Variants in BCL2L1 observed in about 807,000 individuals in gnomAD.
BCL2L1 encodes BCL2 like 1.
Under a neutral mutation model 18.7 loss-of-function variants are expected in BCL2L1, and 1 was observed. The observed-to-expected ratio is 0.05, with a 90% CI of 0.02 to 0.25. The LOEUF (loss-of-function observed/expected upper bound fraction) is 0.25. Among genes scored for constraint, BCL2L1 ranks in the 10% least tolerant of loss-of-function variants. The pLI, the probability that BCL2L1 is intolerant of heterozygous loss-of-function variation, is 1.00. For synonymous variants in BCL2L1, 103 were observed against 122.7 expected, an observed-to-expected ratio of 0.84 and a Z score of 1.06; for missense variants, 207 against 304.9, an observed-to-expected ratio of 0.68 and a Z score of 2.39.
intron 2 of BCL2L1, among the ~76,000 whole-genome samples, chr20:31,699,845 C>T (rs1394151175): frequency 6.6e-6 from 1 of 152,166 alleles, no homozygotes; most frequent in Non-Finnish European, 1.5e-5. Flanking sequence ...ATGTAGAGTA[C>T]CTGACATGGG....
At chr20:31,723,390 G>C, upstream of BCL2L1, 5 of 985,546 alleles carry the variant, frequency 5.1e-6, no homozygotes, top group Non-Finnish European at 6.0e-6. Flanking sequence ...CGGCCCCACA[G>C]CTGAGACCAC....
chr20:31,718,994 C>G (rs947546346), intron 2 of BCL2L1, among the ~76,000 whole-genome samples: 1 of 152,192 alleles, frequency 6.6e-6, no homozygotes, highest in African/African-American at 2.4e-5. Flanking sequence ...GGTGTAAATT[C>G]TCATTCAGAC....
chr20:31,695,153 T>C (rs2061146335), intron 2 of BCL2L1, among the ~76,000 whole-genome samples: 1 of 152,200 alleles, frequency 6.6e-6, no homozygotes, highest in Non-Finnish European at 1.5e-5. Context: ...TGCTCGCCAC[T>C]TCCACCACCC....
intron 2 of BCL2L1, among the ~76,000 whole-genome samples, chr20:31,687,007 A>T (rs2060968145): frequency 6.6e-6 from 1 of 152,176 alleles, no homozygotes; most frequent in Admixed American, 6.5e-5. Context: ...CCCAAGAAGG[A>T]TTATTGTGAA....
At chr20:31,703,528 G>T (rs1216222780) in intron 2 of BCL2L1, among the ~76,000 whole-genome samples, 1 of 146,960 alleles carries the variant, frequency 6.8e-6, no homozygotes, top group Non-Finnish European at 1.5e-5. Context: ...GTCTCACTCT[G>T]TTGCCCAGGC....
rs532916789 is a variant in BCL2L1 at position 31,689,576 on chromosome 20, C to T, written c.565-23490G>A. ...GCTGGCAACCGCCTGAAAATCCCCT[C>T]CCCAGTCTTTCCTTACCACTCCCTC... On this transcript the variant is annotated intron_variant, in intron 2 of 2. Transcript: ENST00000307677. 4.0e-4 allele frequency among the ~76,000 whole-genome samples: 61 copies of T among 152,222 alleles called. 1 individual carries two copies. The highest frequency in any genetic ancestry group is 7.4e-4 in the Non-Finnish European group (50 of 68,016).
rs192812462 is a variant in BCL2L1, at chr20:31,689,528, A to G, written c.565-23442T>C. ...TAGGAAACTTAATCCTAGAGGCAGT[A>G]GTAGTCAGGCTCTAGGAGAAGGGCT... On this transcript the variant is annotated intron_variant, in intron 2 of 2. Transcript: ENST00000307677. 1.2e-4 allele frequency among the ~76,000 whole-genome samples: 18 copies of G among 152,150 alleles called. No individual in the cohort carries two copies. In the East Asian group the frequency reaches 2.9e-3, roughly 25 times the overall value.
intron 2 of BCL2L1, chr20:31,721,009 T>TG: frequency 1.0e-6 from 1 of 982,996 alleles, no homozygotes; most frequent in Non-Finnish European, 1.2e-6. Context: ...TCGCACACTT[T>TG]GGGGGAAATG....
chr20:31,683,815 A>G (rs2060907893), intron 2 of BCL2L1, among the ~76,000 whole-genome samples: 1 of 144,610 alleles, frequency 6.9e-6, no homozygotes. Flanking sequence ...AAAGAATGTG[A>G]ACTTCATGAA....
chr20:31,680,713 C>T (rs1267991637), intron 2 of BCL2L1, among the ~76,000 whole-genome samples: 1 of 152,182 alleles, frequency 6.6e-6, no homozygotes, highest in Non-Finnish European at 1.5e-5. Context: ...GAGTCAGGCA[C>T]TGTACTAAGC....
In BCL2L1 at chr20:31,721,756, C is replaced by T. The variant is rs748329440; in HGVS notation, c.463G>A (p.Val155Ile). 24 of 1,614,034 alleles carry T rather than the reference C, an allele frequency of 1.5e-5. No individual in the cohort carries two copies. Among genetic ancestry groups the T allele is most frequent in the Non-Finnish European group, 1.7e-5 (20 of 1,180,030 alleles). Residue 155 changes from valine (V) to isoleucine (I), a missense_variant, in exon 2 of 3, where the codon GTA becomes ATA. Val to Ile is a conservative substitution (Grantham distance 29). Coordinates refer to ENST00000307677, the MANE Select transcript of BCL2L1 (RefSeq NM_138578.3). Reference sequence around the variant, plus strand: ...ACCAATACCTGCATCTCCTTGTCTACGCTTTCCACGCACAGTGCCCCGCCG... The same window carrying T: ...ACCAATACCTGCATCTCCTTGTCTATGCTTTCCACGCACAGTGCCCCGCCG... ...SFGGALCVESVDKEMQVLVSR... is the reference protein window; with the variant it reads ...SFGGALCVESIDKEMQVLVSR...
intron 2 of BCL2L1, among the ~76,000 whole-genome samples, chr20:31,693,711 T>A (rs1430281501): frequency 6.6e-6 from 1 of 151,960 alleles, no homozygotes; most frequent in East Asian, 1.9e-4. Context: ...TTAATTTTAG[T>A]TTTTGTAGAG....
intron 2 of BCL2L1, among the ~76,000 whole-genome samples, chr20:31,712,896 T>C (rs2061475670): frequency 6.6e-6 from 1 of 152,142 alleles, no homozygotes; most frequent in African/African-American, 2.4e-5. Flanking sequence ...CCTCAGATGA[T>C]TGTCCAACAA....
Position 31,722,850 on chromosome 20 carries a change from C to T in BCL2L1, c.-363G>A, listed in dbSNP as rs2061659542. Reference sequence around the variant, plus strand: ...AACCAGCCCCCTCGCTTGCTTCCTCCTCCATCGCCCGGATCGAGGGCGGCC... The same window carrying T: ...AACCAGCCCCCTCGCTTGCTTCCTCTTCCATCGCCCGGATCGAGGGCGGCC... On this transcript the variant is annotated 5_prime_UTR_variant, in exon 1 of 3. Coordinates refer to ENST00000307677, the MANE Select transcript of BCL2L1 (RefSeq NM_138578.3). The T allele has an allele frequency of 2.0e-5, 3 of 152,316 alleles. No homozygotes were observed. Among genetic ancestry groups the T allele is most frequent in the African/African-American group, 7.2e-5 (3 of 41,452 alleles). The allele number at this position is 152,316 out of a possible 1,614,324, so 9.4% of individuals were successfully genotyped here. A position where few individuals can be genotyped will look rare whatever the true frequency, so the allele number is the denominator to read the frequency against.
At chr20:31,697,892 G>GTTTTTTTTTTTTTTTTTGTTTTTTTTT (rs199575410) in intron 2 of BCL2L1, among the ~76,000 whole-genome samples, 1 of 129,640 alleles carries the variant, frequency 7.7e-6, no homozygotes, top group Non-Finnish European at 1.6e-5. Context: ...TGCTGTTGCT[G>GTTTTTTTTTTTTTTTTTGTTTTTTTTT]TTTTTTTTTT....
intron 2 of BCL2L1, chr20:31,720,797 C>T: frequency 1.0e-6 from 1 of 985,430 alleles, no homozygotes; most frequent in Non-Finnish European, 1.2e-6. Context: ...GTTACTAAAT[C>T]TCAATGTCCC....
chr20:31,679,277 G>A (rs949113527), intron 2 of BCL2L1, among the ~76,000 whole-genome samples: 1 of 152,142 alleles, frequency 6.6e-6, no homozygotes, highest in Non-Finnish European at 1.5e-5. Flanking sequence ...CAGGAGGCCT[G>A]GAAGCAACTC....
At chr20:31,679,749 T>C (rs764687802) in intron 2 of BCL2L1, among the ~76,000 whole-genome samples, 2 of 152,216 alleles carry the variant, frequency 1.3e-5, no homozygotes, top group African/African-American at 2.4e-5. Flanking sequence ...CTGCAACCTC[T>C]GCCTCCTGGG....
At chr20:31,699,752 T>G (rs2061245894) in intron 2 of BCL2L1, among the ~76,000 whole-genome samples, 1 of 152,198 alleles carries the variant, frequency 6.6e-6, no homozygotes, top group Non-Finnish European at 1.5e-5. Flanking sequence ...TATCCAAACC[T>G]TAGTTTCTTT....
Sources: gnomAD v4.1 joint callset for allele counts (sites outside exome capture counted in the v4.1 genomes callset) on GRCh38, gnomAD v4.1.1 for gene constraint, MANE v1.5 for transcripts, NCBI Gene and HGNC (gene_info 2026-07-23, HGNC 2026-07-21) for gene names.